The following EVA1A variants were observed in gnomAD, a reference collection of about 807,000 sequenced individuals.
EVA1A encodes the protein eva-1 homolog A, regulator of programmed cell death, also known as protein eva-1 homolog A.
EVA1A carries 7 observed loss-of-function variants against 9.8 expected under a neutral mutation model. The ratio of observed to expected loss-of-function variants is 0.71; its 90% confidence interval spans 0.41 to 1.34. The LOEUF (loss-of-function observed/expected upper bound fraction) is 1.34. EVA1A is among the 40% of genes most tolerant of loss of function. The pLI is 0.01. For synonymous variants in EVA1A, 90 were observed against 85.6 expected, an observed-to-expected ratio of 1.05 and a Z score of -0.28; for missense variants, 206 against 205.9, an observed-to-expected ratio of 1.00 and a Z score of 0.00.
At chr2:75,550,161 C>A (rs1238553291) in intron 1 of EVA1A, among the ~76,000 whole-genome samples, 1 of 152,122 alleles carries the variant, frequency 6.6e-6, no homozygotes, top group Admixed American at 6.5e-5. Context: ...GGAAATGCCC[C>A]TATTTTTCCA....
At chr2:75,556,260 C>T (rs1409823034) in intron 1 of EVA1A, among the ~76,000 whole-genome samples, 1 of 152,184 alleles carries the variant, frequency 6.6e-6, no homozygotes, top group African/African-American at 2.4e-5. Flanking sequence ...ACAGAGAATA[C>T]AGCTCAAGAC....
chr2:75,526,850 G>A (rs1160323371), intron 1 of EVA1A, among the ~76,000 whole-genome samples: 1 of 152,218 alleles, frequency 6.6e-6, no homozygotes, highest in Non-Finnish European at 1.5e-5. Flanking sequence ...GACATGGTCA[G>A]TTCTGCCTTG....
intron 1 of EVA1A, among the ~76,000 whole-genome samples, chr2:75,535,047 C>T (rs1675825760): frequency 6.6e-6 from 1 of 151,732 alleles, no homozygotes. Flanking sequence ...TGTCAAAGAT[C>T]AGTCCAGAAT....
At chr2:75,520,137 G>C (rs1265734992) in intron 2 of EVA1A, among the ~76,000 whole-genome samples, 1 of 152,026 alleles carries the variant, frequency 6.6e-6, no homozygotes, top group Non-Finnish European at 1.5e-5. Context: ...AGAATGCTTA[G>C]AGCTTCAACA....
At chr2:75,565,886 C>T (rs1471034712), upstream of EVA1A, among the ~76,000 whole-genome samples, 1 of 152,192 alleles carries the variant, frequency 6.6e-6, no homozygotes, top group Admixed American at 6.5e-5. Flanking sequence ...TATTTCCTAT[C>T]TATTCATCTT....
intron 1 of EVA1A, among the ~76,000 whole-genome samples, chr2:75,543,487 C>A (rs1676211495): frequency 6.6e-6 from 1 of 151,974 alleles, no homozygotes; most frequent in African/African-American, 2.4e-5. Context: ...GCACAGGGAC[C>A]CAGAGGAAGT....
chr2:75,498,549 C>T (rs968353212), intron 3 of EVA1A, among the ~76,000 whole-genome samples: 1 of 152,202 alleles, frequency 6.6e-6, no homozygotes, highest in Non-Finnish European at 1.5e-5. Flanking sequence ...GAACCTTCTG[C>T]ACTACCTCTT....
intron 3 of EVA1A, among the ~76,000 whole-genome samples, chr2:75,500,890 C>A (rs1331044425): frequency 6.6e-6 from 1 of 152,120 alleles, no homozygotes; most frequent in Non-Finnish European, 1.5e-5. Context: ...CTCTTTCCCA[C>A]TCACTGCCAT....
chr2:75,567,247 C>A (rs1677046054), intron 1 of EVA1A, among the ~76,000 whole-genome samples: 1 of 152,138 alleles, frequency 6.6e-6, no homozygotes. Context: ...AATCTCATGA[C>A]CTGTTTGAAA....
At chr2:75,549,002 ATATATATTTT>A (rs1558691204) in intron 1 of EVA1A, among the ~76,000 whole-genome samples, 1 of 93,998 alleles carries the variant, frequency 1.1e-5, no homozygotes, top group African/African-American at 5.2e-5. Flanking sequence ...ATATATATAT[ATATATATTTT>A]TTTTTTTTTT....
At chr2:75,514,362 G>T (rs1390477187) in intron 3 of EVA1A, among the ~76,000 whole-genome samples, 1 of 152,144 alleles carries the variant, frequency 6.6e-6, no homozygotes, top group Non-Finnish European at 1.5e-5. Context: ...AGGCTGGAGT[G>T]AATTTGAAAT....
At chr2:75,568,562 C>T (rs535921277) in intron 1 of EVA1A, among the ~76,000 whole-genome samples, 6 of 152,016 alleles carry the variant, frequency 3.9e-5, no homozygotes, top group East Asian at 1.9e-4. Flanking sequence ...ACCTGTCACC[C>T]GGGCAGTATA....
chr2:75,551,151 CA>C (rs1181549246), intron 1 of EVA1A, among the ~76,000 whole-genome samples: 1 of 151,058 alleles, frequency 6.6e-6, no homozygotes, highest in South Asian at 2.1e-4. Flanking sequence ...CAAAAAAAAC[CA>C]AAAAAAACGT....
chr2:75,511,608 A>G lies in EVA1A; in HGVS notation c.85+6448T>C, dbSNP rs1364556277. Among the ~76,000 whole-genome samples the G allele has an allele frequency of 3.3e-5, 5 of 152,188 alleles. No individual in the cohort carries two copies. In the East Asian group the frequency reaches 9.6e-4, roughly 29 times the overall value. On this transcript the variant is annotated intron_variant, in intron 3 of 3. Transcript: ENST00000393913. ...ACCCTTGTATTTTCTTAATATCTGC[A>G]TAAAGAACTCTGGAAGGATGCATAA...
chr2:75,516,295 C>T (rs1675004117), intron 3 of EVA1A, among the ~76,000 whole-genome samples: 1 of 152,046 alleles, frequency 6.6e-6, no homozygotes, highest in Non-Finnish European at 1.5e-5. Context: ...GGGAGTGTTC[C>T]CCATTTCAGA....
intron 2 of EVA1A, among the ~76,000 whole-genome samples, chr2:75,521,488 C>A (rs1290617590): frequency 2.0e-5 from 3 of 152,148 alleles, no homozygotes; most frequent in Admixed American, 6.5e-5. Context: ...ACATACAATG[C>A]AATATTACGC....
rs1450163526 is a variant in EVA1A, at chr2:75,560,936, C to G, written c.-448G>C. The G allele has an allele frequency of 1.1e-4, 17 of 153,006 alleles. No homozygotes were observed. Among genetic ancestry groups the G allele is most frequent in the African/African-American group, 4.1e-4 (17 of 41,468 alleles). 9.5% of individuals were successfully genotyped at this position (153,006 alleles called of 1,614,324 possible). On this transcript the variant is annotated 5_prime_UTR_variant, in exon 1 of 4. Transcript: ENST00000393913. ...CCGCAGAAGCTGCAGGAGCCCGAGT[C>G]AGTGGGAGGAAAAGGTTGTCTCATT...
rs553272322 is a variant in EVA1A, at chr2:75,534,516, A to G, written c.-191-12029T>C. On this transcript the variant is annotated intron_variant, in intron 1 of 3. Transcript: ENST00000393913. ...GTTCAAGTAACTAAAAAAAGAAAAC[A>G]GAGGAACAAACAAACAAAAAGCAGA... Among the ~76,000 whole-genome samples the G allele has an allele frequency of 4.6e-5, 7 of 151,930 alleles. No individual in the cohort carries two copies. The East Asian group carries it at 1.3e-3, about 29-fold the overall frequency.
At position 75,493,291 on chromosome 2, in the gene EVA1A, CAGA is replaced by C; in HGVS notation, c.401_403del (p.Ile134_Trp135delinsArg). The C allele has an allele frequency of 1.9e-6, 3 of 1,614,054 alleles. No individual in the cohort carries two copies. Among genetic ancestry groups the C allele is most frequent in the Non-Finnish European group, 2.5e-6 (3 of 1,179,966 alleles). On this transcript the variant is annotated inframe_deletion, in exon 4 of 4. Coordinates refer to ENST00000393913, the MANE Select transcript of EVA1A (RefSeq NM_001135032.2). Reference sequence around the variant, plus strand: ...GGGCACCTCAGGCTGGCCATTCATCCAGATCTCCCTGATGATGCGCTCGCGCTC... The same window carrying C: ...GGGCACCTCAGGCTGGCCATTCATCCTCTCCCTGATGATGCGCTCGCGCTC...
Sources: allele counts gnomAD v4.1 joint callset (sites outside exome capture counted in the v4.1 genomes callset), GRCh38; gene constraint gnomAD v4.1.1; transcripts MANE v1.5; gene names NCBI Gene and HGNC (gene_info 2026-07-23, HGNC 2026-07-21).